MIB1: variants seen among roughly 807,000 people sequenced by gnomAD.
The protein encoded by MIB1 is MIB E3 ubiquitin protein ligase 1, also known as E3 ubiquitin-protein ligase MIB1.
MIB1 carries 278 observed loss-of-function variants against 124.5 expected under a neutral mutation model. The ratio of observed to expected loss-of-function variants is 2.23; its 90% CI spans 2.02 to 2.47. The LOEUF is 2.47. Among genes scored for constraint, MIB1 ranks in the 30% most tolerant of loss-of-function variants. The pLI is 0.00. For synonymous variants in MIB1, 446 were observed against 429.4 expected (o/e 1.04, Z -0.48); for missense variants, 957 against 1,254.4 (o/e 0.76, Z 3.58).
chr18:21,813,306 TAGAG>T (rs1017865352), intron 10 of MIB1, among the ~76,000 whole-genome samples: 4 of 142,226 alleles, frequency 2.8e-5, no homozygotes, highest in Admixed American at 6.7e-5. Flanking sequence ...GAGATTAACT[TAGAG>T]AGATTAACTT....
At position 21,717,781 on chromosome 18, in the gene MIB1, T is replaced by G. The variant is rs545767306; in HGVS notation, n.167+12658T>G. ...CATCGATGTGGTGAACGAAGAACAC[T>G]TCTACACTGCTGGTGGGAATGTAAA... On this transcript the variant is annotated intron_variant and non_coding_transcript_variant, in intron 1 of 20. Transcript: ENST00000578646. 2.6e-5 allele frequency among the ~76,000 whole-genome samples: 4 copies of G among 152,298 alleles called. No individual in the cohort carries two copies. The South Asian group carries it at 8.3e-4, about 32-fold the overall frequency.
At chr18:21,811,942 C>G (rs1235270976) in intron 10 of MIB1, among the ~76,000 whole-genome samples, 2 of 152,068 alleles carry the variant, frequency 1.3e-5, no homozygotes, top group Non-Finnish European at 2.9e-5. Context: ...GGATTATATT[C>G]AACACCCATT....
At chr18:21,726,978 A>T (rs908477709) in intron 1 of MIB1, among the ~76,000 whole-genome samples, 1 of 152,156 alleles carries the variant, frequency 6.6e-6, no homozygotes, top group Non-Finnish European at 1.5e-5. Context: ...TCTGCTCTCA[A>T]GGATGAACAC....
At chr18:21,751,046 A>G (rs908130904) in intron 1 of MIB1, among the ~76,000 whole-genome samples, 1 of 151,762 alleles carries the variant, frequency 6.6e-6, no homozygotes, top group African/African-American at 2.4e-5. Flanking sequence ...AAAAATATAA[A>G]AATTAGCCCA....
chr18:21,767,844 G>T (rs888195161), intron 2 of MIB1, among the ~76,000 whole-genome samples: 1 of 152,124 alleles, frequency 6.6e-6, no homozygotes, highest in African/African-American at 2.4e-5. Context: ...ACCATGCCTG[G>T]CTGGAATAAT....
At chr18:21,742,321 G>C (rs1484556295) in intron 1 of MIB1, among the ~76,000 whole-genome samples, 1 of 150,072 alleles carries the variant, frequency 6.7e-6, no homozygotes, top group Non-Finnish European at 1.5e-5. Flanking sequence ...GAATTACTTG[G>C]AGTTCAGTAG....
intron 20 of MIB1, among the ~76,000 whole-genome samples, chr18:21,860,754 G>A (rs549734550): frequency 6.6e-6 from 1 of 152,278 alleles, no homozygotes; most frequent in South Asian, 2.1e-4. Context: ...GAATTGGTCA[G>A]TTGCAGTGAG....
chr18:21,754,762 C>T (rs2041012295), intron 1 of MIB1, among the ~76,000 whole-genome samples: 1 of 152,216 alleles, frequency 6.6e-6, no homozygotes, highest in African/African-American at 2.4e-5. Flanking sequence ...ACATCTTAAA[C>T]TACAAAAGTT....
At chr18:21,800,408 T>A (rs1156739086) in intron 9 of MIB1, among the ~76,000 whole-genome samples, 1 of 152,110 alleles carries the variant, frequency 6.6e-6, no homozygotes, top group African/African-American at 2.4e-5. Flanking sequence ...TTAATGTAAC[T>A]CCTCTCCACC....
At chr18:21,804,350 T>A (rs1372312602) in intron 10 of MIB1, among the ~76,000 whole-genome samples, 2 of 152,242 alleles carry the variant, frequency 1.3e-5, no homozygotes, top group Non-Finnish European at 1.5e-5. Flanking sequence ...TGGGTCAGAA[T>A]CTTTCCTGAT....
chr18:21,835,784 A>T (rs1941971), intron 12 of MIB1, among the ~76,000 whole-genome samples: 73,494 of 119,074 alleles, frequency 0.62, 22,609 homozygotes, highest in Non-Finnish European at 0.71. Context: ...AAAAAAAAAA[A>T]ATATATATAT....
chr18:21,723,555 G>A (rs909008805), intron 1 of MIB1, among the ~76,000 whole-genome samples: 23 of 151,494 alleles, frequency 1.5e-4, no homozygotes, highest in African/African-American at 3.6e-4. Flanking sequence ...TTTCTCTGTC[G>A]CCCAGGCTGA....
chr18:21,753,033 C>T (rs1379319538), intron 1 of MIB1, among the ~76,000 whole-genome samples: 14 of 151,560 alleles, frequency 9.2e-5, no homozygotes, highest in African/African-American at 3.4e-4. Context: ...TTTTTCTGCC[C>T]CCTCCCTACC....
chr18:21,750,645 G>A (rs922285192), intron 1 of MIB1, among the ~76,000 whole-genome samples: 1 of 151,670 alleles, frequency 6.6e-6, no homozygotes, highest in African/African-American at 2.4e-5. Flanking sequence ...TGTATTTTTA[G>A]TAGAGATGGG....
At chr18:21,837,401 G>A (rs886155602) in intron 12 of MIB1, among the ~76,000 whole-genome samples, 14 of 152,248 alleles carry the variant, frequency 9.2e-5, no homozygotes, top group African/African-American at 3.4e-4. Context: ...CCAGCTACTC[G>A]GGAGGCTGAG....
At position 21,865,666 on chromosome 18, in the gene MIB1, T is replaced by G. The variant is rs1375460091; in HGVS notation, c.*1000T>G. On this transcript the variant is annotated 3_prime_UTR_variant, in exon 21 of 21. Transcript: ENST00000261537. ...TTCCAAGAAAAAATCTTTTCTTCTC[T>G]GTATCAGTTAATTCTGACAGTGTTA... 6.6e-6 allele frequency: 1 copy of G among 152,636 alleles called. No homozygotes were observed. Among genetic ancestry groups the G allele is most frequent in the Non-Finnish European group, 1.5e-5 (1 of 68,038 alleles). The allele number at this position is 152,636 out of a possible 1,614,324, so 9.5% of individuals were successfully genotyped here.
At chr18:21,806,975 A>G (rs926856419) in intron 10 of MIB1, among the ~76,000 whole-genome samples, 7 of 152,218 alleles carry the variant, frequency 4.6e-5, no homozygotes, top group Non-Finnish European at 8.8e-5. Context: ...GGTGAGATAC[A>G]TGGGACTTTT....
chr18:21,758,621 G>A (rs1484521760), intron 1 of MIB1, among the ~76,000 whole-genome samples: 2 of 151,636 alleles, frequency 1.3e-5, no homozygotes, highest in South Asian at 2.1e-4. Context: ...TGCAACCTCC[G>A]CCTCCTGGGT....
chr18:21,835,836 C>A (rs28678313), intron 12 of MIB1, among the ~76,000 whole-genome samples: 284 of 3,146 alleles, frequency 0.09, 6 homozygotes, highest in East Asian at 0.33. Context: ...CACACACACA[C>A]ACAAACACAC....
Sources: allele counts gnomAD v4.1 joint callset (sites outside exome capture counted in the v4.1 genomes callset), GRCh38; gene constraint gnomAD v4.1.1; transcripts MANE v1.5; gene names NCBI Gene and HGNC (gene_info 2026-07-23, HGNC 2026-07-21).